FMO3: variants seen among roughly 807,000 people sequenced by gnomAD.
The protein encoded by FMO3 is flavin-containing monooxygenase 3.
Under a neutral mutation model 39.4 loss-of-function variants are expected in FMO3, and 40 were observed. The observed-to-expected ratio is 1.02, with a 90% confidence interval of 0.79 to 1.32. The LOEUF is 1.32. FMO3 is among the 40% of genes most tolerant of loss of function. The probability of loss-of-function intolerance (pLI) is 0.00; values close to 1 mark genes in which losing one functional copy is unlikely to be tolerated. For missense variants in FMO3, 680 were observed against 651.8 expected (o/e 1.04, Z -0.47); for synonymous variants, 219 against 228.8 (o/e 0.96, Z 0.39).
In FMO3 at chr1:171,093,736, A is replaced by G. The variant is rs376746041; in HGVS notation, c.132+946A>G. Among the ~76,000 whole-genome samples, 19 of 145,404 alleles carry G rather than the reference A, an allele frequency of 1.3e-4. No individual in the cohort carries two copies. In the East Asian group the frequency reaches 3.6e-3, roughly 27 times the overall value. ...CATTGTTGGGTCAAATGGTAGTTCTATTTTTAATTCTTTGTGAAATCTCCA... is the reference window on the plus strand; with the variant it reads ...CATTGTTGGGTCAAATGGTAGTTCTGTTTTTAATTCTTTGTGAAATCTCCA... On this transcript the variant is annotated intron_variant, in intron 2 of 8. Coordinates refer to ENST00000367755, the MANE Select transcript of FMO3 (RefSeq NM_001002294.3).
intron 5 of FMO3, among the ~76,000 whole-genome samples, chr1:171,110,363 A>C (rs1354023538): frequency 6.6e-6 from 1 of 152,220 alleles, no homozygotes; most frequent in Non-Finnish European, 1.5e-5. Flanking sequence ...GAGATTGATT[A>C]AAATATGAAA....
intron 5 of FMO3, among the ~76,000 whole-genome samples, chr1:171,109,526 CTTTTTTTTT>C (rs780479699): frequency 1.7e-5 from 1 of 58,998 alleles, no homozygotes; most frequent in Non-Finnish European, 2.9e-5. Context: ...TTAGTCTCTT[CTTTTTTTTT>C]TTTTTTTTTT....
chr1:171,108,237 T>C lies in FMO3; in HGVS notation c.627+16T>C, dbSNP rs1282286432. ...AGCAGAACAGGTACTACTCCCCGGG[T>C]ACTCGGGTGACTCTCGTTACTGACA... On this transcript the variant is annotated intron_variant, in intron 5 of 8. Transcript: ENST00000367755. The C allele has an allele frequency of 6.2e-7, 1 of 1,611,662 alleles. No homozygotes were observed.
chr1:171,116,311 G>A lies in FMO3; in HGVS notation c.1256+31G>A, dbSNP rs781278796. The stretch of plus-strand genomic sequence containing the variant: ...AGTACCTATTGTAATAGGAGTGTAG[G>A]ATTTCCATAGAAAAGTGAGAATTTA... On this transcript the variant is annotated intron_variant, in intron 8 of 8. Coordinates refer to ENST00000367755, the MANE Select transcript of FMO3 (RefSeq NM_001002294.3). The A allele has an allele frequency of 3.0e-5, 35 of 1,162,692 alleles. No individual in the cohort carries two copies. In the East Asian group the frequency reaches 8.0e-4, roughly 27 times the overall value. 72.0% of individuals were successfully genotyped at this position (1,162,692 alleles called of 1,614,324 possible).
At chr1:171,115,066 G>T (rs1213751225) in intron 7 of FMO3, among the ~76,000 whole-genome samples, 1 of 152,188 alleles carries the variant, frequency 6.6e-6, no homozygotes, top group Non-Finnish European at 1.5e-5. Context: ...GTGGGGAGAT[G>T]CAGATCACAC....
chr1:171,107,677 A>G lies in FMO3; in HGVS notation c.324A>G (p.Thr108=). The change falls in exon 4 of 9, where the codon ACA becomes ACG. Residue 108 remains threonine, a splice_region_variant and synonymous_variant. Coordinates refer to ENST00000367755, the MANE Select transcript of FMO3 (RefSeq NM_001002294.3). ...ATTTCTTTCTGTATTTCTCTTAGACATTTGTATCCAGTGTAAATAAACATC... is the reference window on the plus strand; with the variant it reads ...ATTTCTTTCTGTATTTCTCTTAGACGTTTGTATCCAGTGTAAATAAACATC... ...KNLLKYIQFK[T]FVSSVNKHPD... is the part of the protein sequence containing the mutation. The G allele has an allele frequency of 6.2e-7, 1 of 1,612,350 alleles. No homozygotes were observed. The highest frequency in any genetic ancestry group is 8.5e-7 in the Non-Finnish European group (1 of 1,178,548).
Position 171,112,211 on chromosome 1 carries a change from G to A in FMO3, c.827+1214G>A, listed in dbSNP as rs142222486. Among the ~76,000 whole-genome samples, 31 of 152,326 alleles carry A rather than the reference G, an allele frequency of 2.0e-4. 1 individual carries two copies. The highest frequency in any genetic ancestry group is 6.0e-4 in the African/African-American group (25 of 41,584). On this transcript the variant is annotated intron_variant, in intron 6 of 8. Coordinates refer to ENST00000367755, the MANE Select transcript of FMO3 (RefSeq NM_001002294.3). ...AGAGACATAAAAATTGTTGGATGGCGTGGGCCTTGTAGATCATTGTAAGGA... is the reference window on the plus strand; with the variant it reads ...AGAGACATAAAAATTGTTGGATGGCATGGGCCTTGTAGATCATTGTAAGGA...
At chr1:171,106,215 ACCATAACCT>A (rs1431257877) in intron 3 of FMO3, among the ~76,000 whole-genome samples, 1 of 150,462 alleles carries the variant, frequency 6.6e-6, no homozygotes, top group Admixed American at 6.6e-5. Flanking sequence ...ATCTCGGCTC[ACCATAACCT>A]CCACCTCCTA....
At chr1:171,099,759 C>CTTTTTTTTTTTTTTTTTTTTT (rs747274398) in intron 2 of FMO3, 33 of 117,582 alleles carry the variant, frequency 2.8e-4, no homozygotes, top group East Asian at 5.0e-4. Flanking sequence ...CCATGTCTTT[C>CTTTTTTTTTTTTTTTTTTTTT]TTTTTTTTTT....
At chr1:171,114,749 G>A (rs755888463) in intron 7 of FMO3, among the ~76,000 whole-genome samples, 10 of 152,108 alleles carry the variant, frequency 6.6e-5, no homozygotes, top group Non-Finnish European at 8.8e-5. Flanking sequence ...ATATGTTTAC[G>A]AGCCAACATC....
chr1:171,098,383 T>C (rs1428844143), intron 2 of FMO3, among the ~76,000 whole-genome samples: 1 of 152,228 alleles, frequency 6.6e-6, no homozygotes, highest in South Asian at 2.1e-4. Flanking sequence ...CCTTGGGCAG[T>C]ATGGCCATTT....
chr1:171,102,537 G>T (rs1203480979), intron 2 of FMO3, among the ~76,000 whole-genome samples: 1 of 152,132 alleles, frequency 6.6e-6, no homozygotes, highest in African/African-American at 2.4e-5. Flanking sequence ...AGTAACTGTA[G>T]CCTGTTGGTC....
chr1:171,103,963 T>C lies in FMO3; in HGVS notation c.311T>C (p.Ile104Thr), dbSNP rs1258955105. ...AAAGAAAAGAACCTCCTGAAGTACATACAATTTAAGGTAAGATGTTATCAA... is the reference window on the plus strand; with the variant it reads ...AAAGAAAAGAACCTCCTGAAGTACACACAATTTAAGGTAAGATGTTATCAA... ...FAKEKNLLKYIQFKTFVSSVN... is the reference protein window; with the variant it reads ...FAKEKNLLKYTQFKTFVSSVN... The change falls in exon 3 of 9, where the codon ATA (isoleucine) becomes ACA (threonine). Residue 104 changes from isoleucine (I) to threonine (T), a missense_variant. Ile to Thr is a moderately conservative substitution (Grantham distance 89). Coordinates refer to ENST00000367755, the MANE Select transcript of FMO3 (RefSeq NM_001002294.3). The C allele has an allele frequency of 6.2e-7, 1 of 1,610,546 alleles. No individual in the cohort carries two copies. Among genetic ancestry groups the C allele is most frequent in the South Asian group, 1.1e-5 (1 of 91,020 alleles).
intron 2 of FMO3, among the ~76,000 whole-genome samples, chr1:171,096,058 T>TATATAATATATATATAAA (rs1655000604): frequency 1.9e-5 from 1 of 52,372 alleles, no homozygotes; most frequent in Admixed American, 3.9e-4. Context: ...AAATATATAA[T>TATATAATATATATATAAA]ATATATTATA....
At chr1:171,102,927 G>A (rs1172866305) in intron 2 of FMO3, among the ~76,000 whole-genome samples, 3 of 152,194 alleles carry the variant, frequency 2.0e-5, no homozygotes, top group African/African-American at 4.8e-5. Flanking sequence ...GGCATGCAAT[G>A]CCCATAAATT....
intron 2 of FMO3, among the ~76,000 whole-genome samples, chr1:171,098,089 T>A (rs2101901356): frequency 6.6e-6 from 1 of 152,326 alleles, no homozygotes; most frequent in Middle Eastern, 3.4e-3. Flanking sequence ...TTGTCAAAGA[T>A]CAGATAGTTG....
intron 3 of FMO3, 123 bp downstream of exon 3, chr1:171,104,096 C>G (rs570803060): frequency 6.4e-6 from 5 of 775,272 alleles, no homozygotes; most frequent in African/African-American, 5.1e-5. Context: ...AACAGTGTGG[C>G]CTCTCTAACT....
At chr1:171,095,418 C>T (rs1479386463) in intron 2 of FMO3, among the ~76,000 whole-genome samples, 1 of 152,066 alleles carries the variant, frequency 6.6e-6, no homozygotes, top group Non-Finnish European at 1.5e-5. Context: ...CTATGTTCTC[C>T]ACTCAATCAG....
intron 2 of FMO3, among the ~76,000 whole-genome samples, chr1:171,096,094 T>TTAATA (rs1655016568): frequency 1.4e-5 from 1 of 74,022 alleles, no homozygotes; most frequent in African/African-American, 5.6e-5. Flanking sequence ...TATATTAATA[T>TTAATA]TTTTATATAA....
Sources: allele counts gnomAD v4.1 joint callset (sites outside exome capture counted in the v4.1 genomes callset), GRCh38; gene constraint gnomAD v4.1.1; transcripts MANE v1.5; gene names NCBI Gene and HGNC (gene_info 2026-07-23, HGNC 2026-07-21).